HECW1: variants seen among roughly 807,000 people sequenced by gnomAD.
HECW1 encodes the protein E3 ubiquitin-protein ligase HECW1.
A neutral mutation model predicts 182.3 loss-of-function variants in HECW1; 61 were observed. That is an observed-to-expected ratio of 0.33 (90% confidence interval 0.27 to 0.41). HECW1 has a LOEUF of 0.41. Ranked by LOEUF, HECW1 falls within the 10% of genes least tolerant of loss-of-function variation. HECW1 has a pLI of 1.00. For synonymous variants in HECW1, 859 were observed against 832.6 expected (o/e 1.03, Z -0.55); for missense variants, 1,739 against 2,108.9 (o/e 0.82, Z 3.44).
At chr7:43,554,504 T>C (rs887476562) in intron 28 of HECW1, 88 bp from the exon 29 acceptor site, 20 of 1,152,820 alleles carry the variant, frequency 1.7e-5, no homozygotes, top group Middle Eastern at 2.5e-4. Flanking sequence ...GTTCCTATCA[T>C]ACCTGATGTG....
intron 21 of HECW1, among the ~76,000 whole-genome samples, chr7:43,501,602 G>T (rs1399931484): frequency 6.6e-6 from 1 of 152,106 alleles, no homozygotes; most frequent in East Asian, 1.9e-4. Flanking sequence ...GGCCAAGCCA[G>T]AAGGATCACT....
chr7:43,176,097 G>A (rs1583826461), intron 2 of HECW1, among the ~76,000 whole-genome samples: 1 of 152,294 alleles, frequency 6.6e-6, no homozygotes, highest in East Asian at 1.9e-4. Context: ...TGATACAGTA[G>A]ACAGCATTTG....
At chr7:43,152,548 C>T (rs1161487134) in intron 2 of HECW1, among the ~76,000 whole-genome samples, 2 of 152,134 alleles carry the variant, frequency 1.3e-5, no homozygotes, top group Non-Finnish European at 2.9e-5. Context: ...GATGAGCTCT[C>T]TCTTATAAGG....
chr7:43,320,212 G>C (rs529453035), intron 4 of HECW1, among the ~76,000 whole-genome samples: 2 of 152,336 alleles, frequency 1.3e-5, no homozygotes, highest in African/African-American at 4.8e-5. Flanking sequence ...GAGTCCGTGA[G>C]AACTAGACCC....
intron 2 of HECW1, among the ~76,000 whole-genome samples, chr7:43,223,446 C>G (rs1449070280): frequency 2.0e-5 from 3 of 152,094 alleles, no homozygotes; most frequent in Non-Finnish European, 4.4e-5. Flanking sequence ...GGTGAAACCC[C>G]ATTTCTACTA....
At chr7:43,146,198 G>T (rs1583682648) in intron 2 of HECW1, among the ~76,000 whole-genome samples, 1 of 152,290 alleles carries the variant, frequency 6.6e-6, no homozygotes, top group East Asian at 1.9e-4. Context: ...ATTGGATTTA[G>T]GGTTTCTCCA....
rs2082274712 is a variant in HECW1 at position 43,563,969 on chromosome 7, A to G, written c.*2043A>G. ...GTGTCCGTTGTCAATCAAGGAGTAT[A>G]CATTATAGAAATTTAGACTTTTATT... is the stretch of plus-strand genomic sequence containing the variant. On this transcript the variant is annotated 3_prime_UTR_variant, in exon 30 of 30. Transcript: ENST00000395891. The G allele has an allele frequency of 1.1e-5, 2 of 187,304 alleles. No individual in the cohort carries two copies. The highest frequency in any genetic ancestry group is 6.2e-5 in the Admixed American group (1 of 16,150). 11.6% of individuals were successfully genotyped at this position (187,304 alleles called of 1,614,324 possible).
intron 2 of HECW1, among the ~76,000 whole-genome samples, chr7:43,155,687 C>G (rs1789809871): frequency 6.6e-6 from 1 of 152,170 alleles, no homozygotes. Flanking sequence ...TTTGACTTTT[C>G]TCTGCAGCAA....
intron 2 of HECW1, among the ~76,000 whole-genome samples, chr7:43,166,392 G>A (rs369849087): frequency 6.6e-6 from 1 of 152,218 alleles, no homozygotes; most frequent in African/African-American, 2.4e-5. Flanking sequence ...GCCTGGTGAA[G>A]GAGATTGACT....
chr7:43,339,546 C>G (rs551496343), intron 5 of HECW1, among the ~76,000 whole-genome samples: 17 of 152,226 alleles, frequency 1.1e-4, no homozygotes, highest in South Asian at 1.0e-3. Context: ...AAGTCTTTGC[C>G]AGATGACTTC....
At chr7:43,482,481 T>G (rs2078474081) in intron 17 of HECW1, among the ~76,000 whole-genome samples, 1 of 152,200 alleles carries the variant, frequency 6.6e-6, no homozygotes, top group African/African-American at 2.4e-5. Flanking sequence ...TGTATTCCAC[T>G]TTTGAAGCCA....
At chr7:43,331,408 G>A (rs944357219) in intron 5 of HECW1, among the ~76,000 whole-genome samples, 2 of 151,990 alleles carry the variant, frequency 1.3e-5, no homozygotes, top group Admixed American at 6.5e-5. Context: ...GGCTAACATG[G>A]TGAAACCCCA....
At chr7:43,501,982 C>A (rs2079380670) in intron 21 of HECW1, among the ~76,000 whole-genome samples, 1 of 152,162 alleles carries the variant, frequency 6.6e-6, no homozygotes, top group Non-Finnish European at 1.5e-5. Context: ...GCTTTCACAC[C>A]AGACTTGAGT....
At chr7:43,437,327 G>C (rs1562973236) in intron 8 of HECW1, among the ~76,000 whole-genome samples, 2 of 151,774 alleles carry the variant, frequency 1.3e-5, no homozygotes, top group Non-Finnish European at 2.9e-5. Context: ...TTTCCTCTTT[G>C]TAAACAGTTT....
chr7:43,424,750 A>G (rs1028528299), intron 8 of HECW1, among the ~76,000 whole-genome samples: 35 of 152,204 alleles, frequency 2.3e-4, no homozygotes, highest in Admixed American at 5.2e-4. Context: ...ATTTTGTCAC[A>G]ACGGAATTAC....
At chr7:43,451,034 C>G (rs1009832297) in intron 12 of HECW1, 105 bp downstream of exon 12, 1 of 785,900 alleles carries the variant, frequency 1.3e-6, no homozygotes, top group African/African-American at 1.7e-5. Flanking sequence ...CGACTCCGTG[C>G]CTTACAGTGT....
At chr7:43,228,872 G>A (rs998542557) in intron 2 of HECW1, among the ~76,000 whole-genome samples, 8 of 152,090 alleles carry the variant, frequency 5.3e-5, no homozygotes, top group South Asian at 4.1e-4. Context: ...ATAAAATTGC[G>A]TATACAATAT....
chr7:43,170,780 G>T (rs1213497047), intron 2 of HECW1, among the ~76,000 whole-genome samples: 1 of 152,154 alleles, frequency 6.6e-6, no homozygotes, highest in Non-Finnish European at 1.5e-5. Flanking sequence ...GATGAAAGTG[G>T]CCCAGCTGAC....
intron 24 of HECW1, among the ~76,000 whole-genome samples, chr7:43,528,860 C>G (rs2080867555): frequency 6.6e-6 from 1 of 152,160 alleles, no homozygotes; most frequent in Non-Finnish European, 1.5e-5. Context: ...TTCAAGTTTT[C>G]TCAGCTAATT....
Sources: gnomAD v4.1 joint callset for allele counts (sites outside exome capture counted in the v4.1 genomes callset) on GRCh38, gnomAD v4.1.1 for gene constraint, MANE v1.5 for transcripts, NCBI Gene and HGNC (gene_info 2026-07-23, HGNC 2026-07-21) for gene names.